ZNF431: variants seen among roughly 807,000 people sequenced by gnomAD.
ZNF431 encodes zinc finger protein 431.
Under a neutral mutation model 57.0 loss-of-function variants are expected in ZNF431, and 34 were observed. The observed-to-expected ratio is 0.60, with a 90% CI of 0.45 to 0.79. The LOEUF is 0.79. ZNF431 is among the 30% of genes least tolerant of loss of function. ZNF431 has a pLI of 0.00. For synonymous variants in ZNF431, 207 were observed against 220.3 expected (o/e 0.94, Z 0.54); for missense variants, 607 against 667.1 (o/e 0.91, Z 0.99).
At position 21,191,469 on chromosome 19, in the gene ZNF431, T is replaced by G. The variant is rs1971508617; in HGVS notation, c.*7435T>G. On this transcript the variant is annotated 3_prime_UTR_variant, in exon 5 of 5. Coordinates refer to ENST00000311048, the MANE Select transcript of ZNF431 (RefSeq NM_133473.4). ...TCTGTCTCAAAAAAAAAAAAAAATT[T>G]GCTGCCCAGAACAATGTTATAGGGC... 6.6e-6 allele frequency: 1 copy of G among 151,930 alleles called. No individual in the cohort carries two copies. The highest frequency in any genetic ancestry group is 1.5e-5 in the Non-Finnish European group (1 of 67,990). The allele number at this position is 151,930 out of a possible 1,614,324, so 9.4% of individuals were successfully genotyped here.
At chr19:21,146,037 C>T (rs963418754) in intron 2 of ZNF431, among the ~76,000 whole-genome samples, 1 of 152,080 alleles carries the variant, frequency 6.6e-6, no homozygotes, top group Non-Finnish European at 1.5e-5. Flanking sequence ...ACAAATGCAG[C>T]TGATTCTTTT....
At chr19:21,153,916 A>G (rs1472122272) in intron 2 of ZNF431, among the ~76,000 whole-genome samples, 2 of 151,944 alleles carry the variant, frequency 1.3e-5, no homozygotes, top group Non-Finnish European at 2.9e-5. Context: ...GGGTTTCTTC[A>G]TGTTGGTCAG....
rs75666663 is a variant in ZNF431 at position 21,150,587 on chromosome 19, G to C, written c.96+6944G>C. 724 of 162,752 alleles carry C rather than the reference G, an allele frequency of 4.4e-3. 6 individuals carry two copies. The highest frequency in any genetic ancestry group is 0.016 in the African/African-American group (672 of 41,606). The allele number at this position is 162,752 out of a possible 1,614,324, so 10.1% of individuals were successfully genotyped here. On this transcript the variant is annotated intron_variant, in intron 2 of 4. Coordinates refer to ENST00000311048, the MANE Select transcript of ZNF431 (RefSeq NM_133473.4). ...CAAAACAGATCCTCCTAAATTAAGGGTACCATTTTTAAATCAGATCTTGGA... is the reference window on the plus strand; with the variant it reads ...CAAAACAGATCCTCCTAAATTAAGGCTACCATTTTTAAATCAGATCTTGGA...
rs911789632 is a variant in ZNF431, at chr19:21,184,662, A to G, written c.*628A>G. ...AACAATATGGCAAAACTTAATGCTCACACTTTATTGCTAGGAAAGCATTTA... is the reference window on the plus strand; with the variant it reads ...AACAATATGGCAAAACTTAATGCTCGCACTTTATTGCTAGGAAAGCATTTA... On this transcript the variant is annotated 3_prime_UTR_variant, in exon 5 of 5. Coordinates refer to ENST00000311048, the MANE Select transcript of ZNF431 (RefSeq NM_133473.4). 4.6e-5 allele frequency: 7 copies of G among 152,896 alleles called. No individual in the cohort carries two copies. The highest frequency in any genetic ancestry group is 3.3e-4 in the Admixed American group (5 of 15,292). The allele number at this position is 152,896 out of a possible 1,614,324, so 9.5% of individuals were successfully genotyped here. A position where few individuals can be genotyped will look rare whatever the true frequency, so the allele number is the denominator to read the frequency against.
At chr19:21,146,140 A>G (rs1599572506) in intron 2 of ZNF431, among the ~76,000 whole-genome samples, 5 of 152,138 alleles carry the variant, frequency 3.3e-5, no homozygotes, top group Middle Eastern at 3.2e-3. Context: ...CTCAAGAAAA[A>G]ATTCAGGGTG....
chr19:21,151,332 G>A (rs1185448499), intron 2 of ZNF431: 1 of 152,152 alleles, frequency 6.6e-6, no homozygotes, highest in Admixed American at 6.5e-5. Flanking sequence ...GGGATTACAG[G>A]TGTGAGCCAA....
Position 21,183,279 on chromosome 19 carries a change from A to C in ZNF431, c.976A>C (p.Asn326His), listed in dbSNP as rs764262938. The C allele has an allele frequency of 6.2e-7, 1 of 1,614,068 alleles. No homozygotes were observed. The highest frequency in any genetic ancestry group is 1.7e-5 in the Admixed American group (1 of 60,016). Reference protein sequence around the residue: ...YKCEECGKAFNQSSTLSTHKF... With the variant: ...YKCEECGKAFHQSSTLSTHKF... ...ATGTGAAGAATGTGGCAAAGCTTTT[A>C]ACCAGTCTTCAACCCTTAGTACACA... The change falls in exon 5 of 5, where the codon AAC (asparagine) becomes CAC (histidine). Residue 326 changes from asparagine to histidine, a missense_variant. Physicochemically the swap from Asn to His is moderately conservative, Grantham distance 68. Transcript: ENST00000311048.
At chr19:21,170,244 C>T (rs1394881329) in intron 4 of ZNF431, among the ~76,000 whole-genome samples, 1 of 152,162 alleles carries the variant, frequency 6.6e-6, no homozygotes, top group Non-Finnish European at 1.5e-5. Context: ...ATTCTCCAAC[C>T]TCAATGTACC....
rs1250980493 is a variant in ZNF431, at chr19:21,188,400, A to G, written c.*4366A>G. The stretch of plus-strand genomic sequence containing the variant: ...ATAAAACTTGCTTGAAAATACAGAA[A>G]TTAAATTTTTAAGAGAGTTAATGGT... On this transcript the variant is annotated 3_prime_UTR_variant, in exon 5 of 5. Coordinates refer to ENST00000311048, the MANE Select transcript of ZNF431 (RefSeq NM_133473.4). 6.6e-6 allele frequency: 1 copy of G among 152,196 alleles called. No individual in the cohort carries two copies. 9.4% of individuals were successfully genotyped at this position (152,196 alleles called of 1,614,324 possible).
chr19:21,142,091 T>C lies in ZNF431; in HGVS notation c.-93T>C. The C allele has an allele frequency of 1.3e-6, 2 of 1,552,622 alleles. No homozygotes were observed. Among genetic ancestry groups the C allele is most frequent in the Non-Finnish European group, 1.8e-6 (2 of 1,127,444 alleles). ...GTCTCCCCTTCGCTGCTCTGTGTCC[T>C]CTGCTCCTAGAGGCCCAACATCTGT... On this transcript the variant is annotated 5_prime_UTR_variant, in exon 1 of 5. Transcript: ENST00000311048.
chr19:21,165,254 C>G (rs763506404), intron 2 of ZNF431, among the ~76,000 whole-genome samples: 2 of 151,998 alleles, frequency 1.3e-5, no homozygotes, highest in Admixed American at 6.6e-5. Context: ...CTCAAGATTC[C>G]TACTGGGGAA....
At position 21,183,102 on chromosome 19, in the gene ZNF431, A is replaced by G; in HGVS notation, c.799A>G (p.Lys267Glu). ...EKPFKCEECG[K>E]AFKQSSTLTT... ...ACCCTTCAAATGTGAAGAATGTGGC[A>G]AAGCTTTTAAGCAGTCCTCAACCCT... is the stretch of plus-strand genomic sequence containing the variant. Residue 267 changes from lysine to glutamate, a missense_variant, in exon 5 of 5, where the codon AAA (lysine) becomes GAA (glutamate). Coordinates refer to ENST00000311048, the MANE Select transcript of ZNF431 (RefSeq NM_133473.4). 1 of 1,614,116 alleles carries G rather than the reference A, an allele frequency of 6.2e-7. No homozygotes were observed. The highest frequency in any genetic ancestry group is 1.1e-5 in the South Asian group (1 of 91,088).
At chr19:21,152,934 G>A (rs963889273) in intron 2 of ZNF431, among the ~76,000 whole-genome samples, 5 of 152,172 alleles carry the variant, frequency 3.3e-5, no homozygotes, top group African/African-American at 1.2e-4. Flanking sequence ...GGGCGAGTCC[G>A]TAAAGTGATA....
rs1399431312 is a variant in ZNF431, at chr19:21,188,206, C to T, written c.*4172C>T. On this transcript the variant is annotated 3_prime_UTR_variant, in exon 5 of 5. Coordinates refer to ENST00000311048, the MANE Select transcript of ZNF431 (RefSeq NM_133473.4). ...CTGGGAGGTAGAGGTTGCGGTGAGC[C>T]GAGACTGGGCCACTGCACTTCAGCC... The T allele has an allele frequency of 1.3e-5, 2 of 150,506 alleles. No individual in the cohort carries two copies. Among genetic ancestry groups the T allele is most frequent in the African/African-American group, 2.5e-5 (1 of 40,754 alleles). 9.3% of individuals were successfully genotyped at this position (150,506 alleles called of 1,614,324 possible). A position where few individuals can be genotyped will look rare whatever the true frequency, so the allele number is the denominator to read the frequency against.
rs1971368869 is a variant in ZNF431, at chr19:21,186,088, G to T, written c.*2054G>T. 1 of 152,008 alleles carries T rather than the reference G, an allele frequency of 6.6e-6. No homozygotes were observed. Among genetic ancestry groups the T allele is most frequent in the South Asian group, 2.1e-4 (1 of 4,824 alleles). 9.4% of individuals were successfully genotyped at this position (152,008 alleles called of 1,614,324 possible). ...TCTTGAGGTCAGCAGTTCGAGACCA[G>T]CATGGCCAATATGGAGAAATCCCGT... On this transcript the variant is annotated 3_prime_UTR_variant, in exon 5 of 5. Transcript: ENST00000311048.
rs180826563 is a variant in ZNF431, at chr19:21,190,897, G to C, written c.*6863G>C. ...GCTGGTCTCGAACTTCTGACCTCTGGTGCCCACCTCAGCCTCCCAAAGTGC... is the reference window on the plus strand; with the variant it reads ...GCTGGTCTCGAACTTCTGACCTCTGCTGCCCACCTCAGCCTCCCAAAGTGC... On this transcript the variant is annotated 3_prime_UTR_variant, in exon 5 of 5. Coordinates refer to ENST00000311048, the MANE Select transcript of ZNF431 (RefSeq NM_133473.4). The C allele has an allele frequency of 2.0e-4, 30 of 151,816 alleles. No homozygotes were observed. The highest frequency in any genetic ancestry group is 1.9e-3 in the Admixed American group (29 of 15,240). 9.4% of individuals were successfully genotyped at this position (151,816 alleles called of 1,614,324 possible). A position where few individuals can be genotyped will look rare whatever the true frequency, so the allele number is the denominator to read the frequency against.
At chr19:21,148,576 A>G (rs1037062911) in intron 2 of ZNF431, among the ~76,000 whole-genome samples, 1 of 152,220 alleles carries the variant, frequency 6.6e-6, no homozygotes, top group African/African-American at 2.4e-5. Context: ...ATCTAATCTA[A>G]AACATTCCTT....
intron 4 of ZNF431, among the ~76,000 whole-genome samples, chr19:21,177,423 A>G (rs1384540624): frequency 6.6e-6 from 1 of 152,156 alleles, no homozygotes; most frequent in Non-Finnish European, 1.5e-5. Flanking sequence ...AGCTTTGGTT[A>G]CTACAGCTTT....
chr19:21,166,985 C>G (rs1035756178), intron 3 of ZNF431, among the ~76,000 whole-genome samples: 1 of 152,026 alleles, frequency 6.6e-6, no homozygotes, highest in Admixed American at 6.6e-5. Flanking sequence ...CTCAGCCTCC[C>G]AAGTAGCTGG....
Sources: allele counts gnomAD v4.1 joint callset (sites outside exome capture counted in the v4.1 genomes callset), GRCh38; gene constraint gnomAD v4.1.1; transcripts MANE v1.5; gene names NCBI Gene and HGNC (gene_info 2026-07-23, HGNC 2026-07-21).